The following DPP10 variants were observed in gnomAD, a reference collection of about 807,000 sequenced individuals.
DPP10 encodes the protein dipeptidyl peptidase like 10, also known as inactive dipeptidyl peptidase 10.
Under a neutral mutation model 120.9 loss-of-function variants are expected in DPP10, and 33 were observed. That is an observed-to-expected ratio of 0.27 (90% CI 0.21 to 0.37). The LOEUF is 0.37. Among genes scored for constraint, DPP10 ranks in the 10% least tolerant of loss-of-function variants. DPP10 has a pLI of 1.00. For synonymous variants in DPP10, 337 were observed against 326.1 expected (o/e 1.03, Z -0.36); for missense variants, 816 against 942.8 (o/e 0.87, Z 1.76).
At chr2:114,665,175 A>G (rs1037350938) in intron 1 of DPP10, among the ~76,000 whole-genome samples, 3 of 152,210 alleles carry the variant, frequency 2.0e-5, no homozygotes, top group African/African-American at 7.2e-5. Flanking sequence ...GAATGTTGCC[A>G]CAGTAAGTTG....
At chr2:115,630,078 C>T (rs761961851) in intron 5 of DPP10, among the ~76,000 whole-genome samples, 1 of 152,062 alleles carries the variant, frequency 6.6e-6, no homozygotes, top group South Asian at 2.1e-4. Flanking sequence ...TATCTTATTT[C>T]CTTGAGCCAT....
intron 5 of DPP10, among the ~76,000 whole-genome samples, chr2:115,539,910 T>G (rs1433842281): frequency 2.0e-5 from 3 of 151,870 alleles, no homozygotes; most frequent in Non-Finnish European, 2.9e-5. Flanking sequence ...ACAGCAATGT[T>G]ATGATTCCTA....
intron 3 of DPP10, among the ~76,000 whole-genome samples, chr2:115,391,076 G>A (rs1301752128): frequency 6.6e-6 from 1 of 152,120 alleles, no homozygotes; most frequent in East Asian, 1.9e-4. Flanking sequence ...CTGTCAAGAA[G>A]GCTAATGCAT....
At chr2:115,396,150 A>G (rs1410435621) in intron 3 of DPP10, among the ~76,000 whole-genome samples, 4 of 152,112 alleles carry the variant, frequency 2.6e-5, no homozygotes, top group Admixed American at 2.0e-4. Flanking sequence ...CTGCACATCT[A>G]TTACCTCACA....
intron 1 of DPP10, among the ~76,000 whole-genome samples, chr2:115,133,143 GTGTATATATA>G (rs1383435910): frequency 7.7e-3 from 247 of 31,996 alleles, no homozygotes; most frequent in Admixed American, 9.8e-3. Context: ...GTGTGTGTGT[GTGTATATATA>G]TATATATATA....
intron 1 of DPP10, among the ~76,000 whole-genome samples, chr2:114,491,903 TG>T (rs1161746753): frequency 6.6e-6 from 1 of 152,168 alleles, no homozygotes; most frequent in Non-Finnish European, 1.5e-5. Flanking sequence ...TGCTTTTTCC[TG>T]GGGGCATTTA....
chr2:115,255,385 C>T (rs1427760387), intron 1 of DPP10, among the ~76,000 whole-genome samples: 1 of 152,182 alleles, frequency 6.6e-6, no homozygotes, highest in Non-Finnish European at 1.5e-5. Context: ...ACCATTTTTC[C>T]TTCCTGTGCC....
chr2:114,909,287 A>G (rs1694194542), intron 1 of DPP10, among the ~76,000 whole-genome samples: 2 of 151,992 alleles, frequency 1.3e-5, no homozygotes, highest in South Asian at 2.1e-4. Flanking sequence ...CAAATTTTCT[A>G]TATGGACTAC....
intron 3 of DPP10, among the ~76,000 whole-genome samples, chr2:115,445,920 C>A (rs1053707889): frequency 6.6e-6 from 1 of 152,150 alleles, no homozygotes; most frequent in Non-Finnish European, 1.5e-5. Flanking sequence ...CCCAGGACCC[C>A]ACTGCTCTGT....
intron 1 of DPP10, among the ~76,000 whole-genome samples, chr2:114,808,400 T>G (rs1239708023): frequency 1.3e-5 from 2 of 152,166 alleles, no homozygotes; most frequent in African/African-American, 4.8e-5. Context: ...GGAATATAAT[T>G]GCTAAGTTTT....
At chr2:115,838,125 C>G (rs1274906608) in intron 24 of DPP10, among the ~76,000 whole-genome samples, 1 of 152,076 alleles carries the variant, frequency 6.6e-6, no homozygotes, top group Non-Finnish European at 1.5e-5. Context: ...TCTGTACTAT[C>G]TCTGCAACTG....
intron 5 of DPP10, among the ~76,000 whole-genome samples, chr2:115,642,952 A>G (rs1048425130): frequency 2.6e-5 from 4 of 152,160 alleles, no homozygotes; most frequent in Admixed American, 6.6e-5. Context: ...TATTAATTCA[A>G]TTAAACAGAT....
At chr2:114,916,742 T>C (rs1475468456) in intron 1 of DPP10, among the ~76,000 whole-genome samples, 4 of 152,162 alleles carry the variant, frequency 2.6e-5, no homozygotes, top group African/African-American at 9.7e-5. Flanking sequence ...CAATAAATGC[T>C]GAAAAGGCTT....
intron 1 of DPP10, among the ~76,000 whole-genome samples, chr2:114,914,566 A>G (rs536959523): frequency 3.3e-5 from 5 of 152,310 alleles, no homozygotes; most frequent in African/African-American, 4.8e-5. Context: ...AGTGCTATAC[A>G]TGGAAATGAA....
At chr2:115,769,782 C>G (rs1484181856) in intron 13 of DPP10, among the ~76,000 whole-genome samples, 1 of 151,862 alleles carries the variant, frequency 6.6e-6, no homozygotes, top group African/African-American at 2.4e-5. Flanking sequence ...AGGAAATAGA[C>G]TAGCAAATTA....
At chr2:114,594,596 A>C (rs1181893657) in intron 1 of DPP10, among the ~76,000 whole-genome samples, 1 of 148,778 alleles carries the variant, frequency 6.7e-6, no homozygotes, top group African/African-American at 2.5e-5. Flanking sequence ...ATATATATAC[A>C]TATATATCTC....
At chr2:115,326,580 T>C in intron 2 of DPP10, among the ~76,000 whole-genome samples, 1 of 152,052 alleles carries the variant, frequency 6.6e-6, no homozygotes, top group Non-Finnish European at 1.5e-5. Context: ...TCATAGGAGA[T>C]TTTAGCCCCA....
At chr2:115,050,518 T>C (rs1399574898) in intron 1 of DPP10, among the ~76,000 whole-genome samples, 1 of 151,838 alleles carries the variant, frequency 6.6e-6, no homozygotes, top group Non-Finnish European at 1.5e-5. Context: ...GCAAATATAA[T>C]AGTCACTGTT....
intron 4 of DPP10, among the ~76,000 whole-genome samples, chr2:115,508,792 A>T (rs529590142): frequency 6.6e-6 from 1 of 152,314 alleles, no homozygotes; most frequent in African/African-American, 2.4e-5. Context: ...AGTCCCAGCT[A>T]CTCAGGAGGC....
Sources: allele counts gnomAD v4.1 joint callset (sites outside exome capture counted in the v4.1 genomes callset), GRCh38; gene constraint gnomAD v4.1.1; transcripts MANE v1.5; gene names NCBI Gene and HGNC (gene_info 2026-07-23, HGNC 2026-07-21).